CCDC178: variants seen among roughly 807,000 people sequenced by gnomAD.
CCDC178 encodes the protein coiled-coil domain-containing protein 178.
Under a neutral mutation model 117.4 loss-of-function variants are expected in CCDC178, and 126 were observed. That is an observed-to-expected ratio of 1.07 (90% CI 0.93 to 1.24). CCDC178 has a LOEUF of 1.24. CCDC178 is among the 50% of genes most tolerant of loss of function. The pLI is 0.00. For missense variants in CCDC178, 1,030 were observed against 986.9 expected (o/e 1.04, Z -0.59); for synonymous variants, 283 against 313.4 (o/e 0.90, Z 1.02).
chr18:32,998,724 TG>T (rs1373503303), intron 21 of CCDC178, among the ~76,000 whole-genome samples: 1 of 152,122 alleles, frequency 6.6e-6, no homozygotes, highest in African/African-American at 2.4e-5. Flanking sequence ...AGACACAGCC[TG>T]GGCCAGAAAG....
chr18:33,090,796 G>A (rs550741850), intron 21 of CCDC178, among the ~76,000 whole-genome samples: 2 of 152,306 alleles, frequency 1.3e-5, no homozygotes, highest in South Asian at 2.1e-4. Context: ...TGCTAAAAGT[G>A]ATTCGTTTGA....
chr18:33,218,244 G>A (rs569437515), intron 18 of CCDC178, among the ~76,000 whole-genome samples: 115 of 152,176 alleles, frequency 7.6e-4, no homozygotes, highest in Non-Finnish European at 1.5e-3. Context: ...CTGCTTAAAT[G>A]TCTTCCTTTG....
chr18:33,029,504 CATT>C (rs1391699035), intron 21 of CCDC178, among the ~76,000 whole-genome samples: 1 of 151,846 alleles, frequency 6.6e-6, no homozygotes, highest in Non-Finnish European at 1.5e-5. Context: ...TTCTCTATCT[CATT>C]AATTTCTGCT....
intron 20 of CCDC178, among the ~76,000 whole-genome samples, chr18:33,152,620 C>G (rs1322387924): frequency 2.6e-5 from 4 of 151,980 alleles, no homozygotes; most frequent in Admixed American, 1.3e-4. Flanking sequence ...GTGAATGAGG[C>G]CATCCTAGAT....
intron 5 of CCDC178, among the ~76,000 whole-genome samples, chr18:33,383,684 A>G (rs1021871358): frequency 6.6e-6 from 1 of 151,946 alleles, no homozygotes; most frequent in African/African-American, 2.4e-5. Context: ...AACAAAAAAG[A>G]CCCCACAAAA....
chr18:33,375,108 A>G (rs1047142216), intron 5 of CCDC178, among the ~76,000 whole-genome samples: 1 of 152,144 alleles, frequency 6.6e-6, no homozygotes, highest in Admixed American at 6.6e-5. Flanking sequence ...TTGCATTTAA[A>G]TTGTACCTCC....
intron 2 of CCDC178, among the ~76,000 whole-genome samples, chr18:33,432,996 T>C (rs2144975678): frequency 6.6e-6 from 1 of 152,336 alleles, no homozygotes; most frequent in South Asian, 2.1e-4. Flanking sequence ...AAGAAATTAC[T>C]CAGTGTTTGT....
intron 20 of CCDC178, among the ~76,000 whole-genome samples, chr18:33,165,270 T>C (rs983841512): frequency 6.6e-6 from 1 of 151,988 alleles, no homozygotes; most frequent in African/African-American, 2.4e-5. Flanking sequence ...GGCAAATCAC[T>C]TGGGCCCAGG....
intron 5 of CCDC178, among the ~76,000 whole-genome samples, chr18:33,382,993 CA>C (rs953526393): frequency 1.3e-5 from 2 of 151,730 alleles, no homozygotes; most frequent in African/African-American, 4.9e-5. Flanking sequence ...GAGGCAGGGG[CA>C]GGGGGAGGGG....
In CCDC178 at chr18:33,393,493, G is replaced by A. The variant is rs1022530572; in HGVS notation, c.118+3656C>T. Among the ~76,000 whole-genome samples, 18 of 152,080 alleles carry A rather than the reference G, an allele frequency of 1.2e-4. 1 individual carries two copies. The highest frequency in any genetic ancestry group is 7.9e-4 in the Admixed American group (12 of 15,270). On this transcript the variant is annotated intron_variant, in intron 4 of 22. Transcript: ENST00000383096. ...GAAAAAATTTTCATCACCCCTGAAA[G>A]TTTCTCATCTACTATAGGCAACTGT...
At chr18:33,112,547 T>G (rs1371408089) in intron 20 of CCDC178, among the ~76,000 whole-genome samples, 1 of 151,890 alleles carries the variant, frequency 6.6e-6, no homozygotes, top group African/African-American at 2.4e-5. Flanking sequence ...TTAGACAGCC[T>G]GCTGATAGAA....
chr18:33,403,786 T>C (rs1471897528), intron 3 of CCDC178, among the ~76,000 whole-genome samples: 1 of 152,124 alleles, frequency 6.6e-6, no homozygotes, highest in Non-Finnish European at 1.5e-5. Flanking sequence ...TGATTAACTA[T>C]TGGAGGCTGA....
chr18:33,193,119 C>G (rs3102227), intron 20 of CCDC178, among the ~76,000 whole-genome samples: 1 of 150,292 alleles, frequency 6.7e-6, no homozygotes, highest in African/African-American at 2.4e-5. Context: ...AAAAATTAGC[C>G]GGGCGTGGTG....
At chr18:33,010,257 A>C (rs1013575668) in intron 21 of CCDC178, among the ~76,000 whole-genome samples, 6 of 152,010 alleles carry the variant, frequency 3.9e-5, no homozygotes, top group African/African-American at 1.4e-4. Flanking sequence ...TGGGCTACTG[A>C]TCAGACCTGT....
intron 22 of CCDC178, among the ~76,000 whole-genome samples, chr18:32,948,488 T>C (rs2054405509): frequency 6.6e-6 from 1 of 152,048 alleles, no homozygotes; most frequent in African/African-American, 2.4e-5. Flanking sequence ...TGTTAGCACA[T>C]TGATGCTATA....
intron 12 of CCDC178, among the ~76,000 whole-genome samples, chr18:33,268,746 T>C (rs1159878777): frequency 6.6e-6 from 1 of 151,750 alleles, no homozygotes; most frequent in Non-Finnish European, 1.5e-5. Flanking sequence ...GAGACATCAA[T>C]GAAAATAGTG....
At chr18:33,131,655 C>A (rs1303011986) in intron 20 of CCDC178, among the ~76,000 whole-genome samples, 1 of 151,638 alleles carries the variant, frequency 6.6e-6, no homozygotes, top group Non-Finnish European at 1.5e-5. Context: ...ATATTTGTTG[C>A]CCTGAATGAT....
intron 20 of CCDC178, among the ~76,000 whole-genome samples, chr18:33,173,515 A>G (rs2058629187): frequency 6.6e-6 from 1 of 152,222 alleles, no homozygotes; most frequent in African/African-American, 2.4e-5. Context: ...ATAAAAAAGA[A>G]CAGATGTCCT....
chr18:33,063,370 C>T (rs1471926486), intron 21 of CCDC178, among the ~76,000 whole-genome samples: 1 of 152,128 alleles, frequency 6.6e-6, no homozygotes, highest in Admixed American at 6.5e-5. Context: ...CAAGCTCTCC[C>T]AGACTGCTGC....
Sources: allele counts gnomAD v4.1 joint callset (sites outside exome capture counted in the v4.1 genomes callset), GRCh38; gene constraint gnomAD v4.1.1; transcripts MANE v1.5; gene names NCBI Gene and HGNC (gene_info 2026-07-23, HGNC 2026-07-21).